LARGE1: variants seen among roughly 807,000 people sequenced by gnomAD.
LARGE1 encodes the protein xylosyl- and glucuronyltransferase LARGE1.
Under a neutral mutation model 87.6 loss-of-function variants are expected in LARGE1, and 43 were observed. The ratio of observed to expected loss-of-function variants is 0.49; its 90% CI spans 0.38 to 0.63. The LOEUF is 0.63. Among genes scored for constraint, LARGE1 ranks in the 30% least tolerant of loss-of-function variants. The pLI, the probability that LARGE1 is intolerant of heterozygous loss-of-function variation, is 0.00. For synonymous variants in LARGE1, 434 were observed against 394.6 expected (o/e 1.10, Z -1.18); for missense variants, 802 against 1,000.2 (o/e 0.80, Z 2.67).
At chr22:33,493,565 C>T (rs1189874139) in intron 6 of LARGE1, among the ~76,000 whole-genome samples, 1 of 152,170 alleles carries the variant, frequency 6.6e-6, no homozygotes, top group African/African-American at 2.4e-5. Flanking sequence ...GGTCCAAGTA[C>T]TGGGCAATAT....
the LARGE1 span, among the ~76,000 whole-genome samples, chr22:33,111,756 G>A: frequency 3.9e-5 from 6 of 152,150 alleles, no homozygotes; most frequent in African/African-American, 1.4e-4. Context: ...TCATCTGTAG[G>A]GGGTTGTGAT....
At chr22:33,805,776 TAAATAAATA>T (rs1469738075) in intron 1 of LARGE1, among the ~76,000 whole-genome samples, 29 of 149,200 alleles carry the variant, frequency 1.9e-4, no homozygotes, top group South Asian at 1.7e-3. Context: ...AATAAATAAA[TAAATAAATA>T]AAATAACAAC....
At chr22:33,237,190 GCTATCCGT>G (rs1449501155) in intron 11 of LARGE1, among the ~76,000 whole-genome samples, 1 of 152,182 alleles carries the variant, frequency 6.6e-6, no homozygotes, top group Non-Finnish European at 1.5e-5. Context: ...GAGGAAACTT[GCTATCCGT>G]CCAGACAATT....
At chr22:33,502,896 C>T (rs1254601266) in intron 6 of LARGE1, among the ~76,000 whole-genome samples, 1 of 146,534 alleles carries the variant, frequency 6.8e-6, no homozygotes, top group Non-Finnish European at 1.5e-5. Flanking sequence ...AGAGTCCCTG[C>T]TATGCTCTAG....
chr22:33,915,430 G>GT lies in LARGE1; in HGVS notation c.-83+4564dup, dbSNP rs3216429. Among the ~76,000 whole-genome samples, 447 of 148,432 alleles carry GT rather than the reference G, an allele frequency of 3.0e-3. 4 individuals are homozygous for GT. The highest frequency in any genetic ancestry group is 8.9e-3 in the African/African-American group (362 of 40,482). ...AAATGGAATTTGTTCTCACCTAAGT[G>GT]TTTTTTTTTTCATATTATATCATTT... On this transcript the variant is annotated intron_variant, in intron 1 of 14. Transcript: ENST00000397394.
rs137855050 is a variant in LARGE1 at position 33,803,448 on chromosome 22, G to A, written c.-82-41890C>T. On this transcript the variant is annotated intron_variant, in intron 1 of 14. Coordinates refer to ENST00000397394, the MANE Select transcript of LARGE1 (RefSeq NM_133642.5). The stretch of plus-strand genomic sequence containing the variant: ...AAATGCTAATGGAATTCATAGCTCC[G>A]TAAGATGATATGACTGGCTGTTTAA... Among the ~76,000 whole-genome samples the A allele has an allele frequency of 1.9e-3, 283 of 152,256 alleles. 1 individual carries two copies. The highest frequency in any genetic ancestry group is 6.3e-3 in the African/African-American group (263 of 41,544).
intron 6 of LARGE1, among the ~76,000 whole-genome samples, chr22:33,437,993 A>G (rs961943206): frequency 7.2e-5 from 11 of 151,860 alleles, no homozygotes; most frequent in African/African-American, 2.7e-4. Flanking sequence ...CCAGCACTGC[A>G]GCCAGGCCTC....
intron 2 of LARGE1, among the ~76,000 whole-genome samples, chr22:33,689,913 C>A (rs774414188): frequency 6.7e-6 from 1 of 150,256 alleles, no homozygotes. Context: ...GGTGACAGGG[C>A]GAGACTCTGT....
intron 2 of LARGE1, among the ~76,000 whole-genome samples, chr22:33,688,124 C>A (rs1424059375): frequency 6.6e-6 from 1 of 152,176 alleles, no homozygotes; most frequent in Non-Finnish European, 1.5e-5. Flanking sequence ...AACCCTGAAG[C>A]CAGGCTCCTT....
chr22:33,145,177 T>C, the LARGE1 span, among the ~76,000 whole-genome samples: 1 of 152,096 alleles, frequency 6.6e-6, no homozygotes, highest in Non-Finnish European at 1.5e-5. Flanking sequence ...TATGATTCTA[T>C]TTTATGTTTC....
intron 1 of LARGE1, among the ~76,000 whole-genome samples, chr22:33,782,803 T>C (rs1418957106): frequency 2.0e-5 from 3 of 150,780 alleles, no homozygotes; most frequent in Non-Finnish European, 4.4e-5. Flanking sequence ...AGGTGGAGGT[T>C]GCAGTGAGCC....
chr22:33,156,322 G>A, the LARGE1 span, among the ~76,000 whole-genome samples: 6 of 152,248 alleles, frequency 3.9e-5, no homozygotes, highest in East Asian at 1.9e-4. Flanking sequence ...AGCAGCTGGT[G>A]GGGCAGAATG....
chr22:33,679,844 A>G (rs1234728756), intron 2 of LARGE1, among the ~76,000 whole-genome samples: 1 of 150,646 alleles, frequency 6.6e-6, no homozygotes, highest in Non-Finnish European at 1.5e-5. Context: ...CTCTGTCTCA[A>G]AAAACAAACA....
intron 11 of LARGE1, among the ~76,000 whole-genome samples, chr22:33,312,946 C>G (rs1263683511): frequency 1.3e-5 from 2 of 152,130 alleles, no homozygotes; most frequent in Non-Finnish European, 2.9e-5. Context: ...GGTGTCCAAA[C>G]TGAAATCTGG....
chr22:33,848,135 T>C (rs1222842216), intron 1 of LARGE1, among the ~76,000 whole-genome samples: 1 of 152,212 alleles, frequency 6.6e-6, no homozygotes, highest in African/African-American at 2.4e-5. Flanking sequence ...CAAAACTAAA[T>C]CAGGCAGCGT....
chr22:33,591,745 C>A (rs1426359817), intron 5 of LARGE1, among the ~76,000 whole-genome samples: 1 of 150,454 alleles, frequency 6.6e-6, no homozygotes, highest in Non-Finnish European at 1.5e-5. Context: ...TGGTGGCTCA[C>A]ACCTGTAATC....
intron 1 of LARGE1, among the ~76,000 whole-genome samples, chr22:33,770,415 C>G (rs921513650): frequency 6.6e-6 from 1 of 152,168 alleles, no homozygotes; most frequent in Non-Finnish European, 1.5e-5. Flanking sequence ...GGTGCAGTGG[C>G]TCATGCCTAT....
At chr22:33,083,562 A>G in the LARGE1 span, among the ~76,000 whole-genome samples, 8 of 152,354 alleles carry the variant, frequency 5.3e-5, no homozygotes, top group East Asian at 1.5e-3. Flanking sequence ...TGTTTCACTC[A>G]GCTTACATTT....
At chr22:33,313,134 C>G (rs930085158) in intron 11 of LARGE1, among the ~76,000 whole-genome samples, 1 of 152,120 alleles carries the variant, frequency 6.6e-6, no homozygotes, top group Non-Finnish European at 1.5e-5. Context: ...ATTTGATCTC[C>G]TCTTTCTCCC....
Sources: allele counts gnomAD v4.1 joint callset (sites outside exome capture counted in the v4.1 genomes callset), GRCh38; gene constraint gnomAD v4.1.1; transcripts MANE v1.5; gene names NCBI Gene and HGNC (gene_info 2026-07-23, HGNC 2026-07-21).